RTN4: variants seen among roughly 807,000 people sequenced by gnomAD.
RTN4 encodes the protein reticulon-4.
In RTN4, 32 loss-of-function variants were observed where a neutral mutation model predicts 90.4. The ratio of observed to expected loss-of-function variants is 0.35; its 90% CI spans 0.27 to 0.48. The LOEUF is 0.48. Among genes scored for constraint, RTN4 ranks in the 20% least tolerant of loss-of-function variants. The probability of loss-of-function intolerance (pLI) is 0.99; values close to 1 mark genes in which losing one functional copy is unlikely to be tolerated. For missense variants in RTN4, 1,706 were observed against 1,430.2 expected, an observed-to-expected ratio of 1.19 and a Z score of -3.11; for synonymous variants, 629 against 552.5, an observed-to-expected ratio of 1.14 and a Z score of -1.94.
At chr2:55,036,193 C>T (rs945015284) in intron 1 of RTN4, among the ~76,000 whole-genome samples, 12 of 152,230 alleles carry the variant, frequency 7.9e-5, no homozygotes, top group Admixed American at 7.2e-4. Flanking sequence ...CATAACCACA[C>T]ATGCAAAAAA....
At chr2:55,096,242 C>T (rs1406309502) in intron 1 of RTN4, among the ~76,000 whole-genome samples, 1 of 152,058 alleles carries the variant, frequency 6.6e-6, no homozygotes, top group Non-Finnish European at 1.5e-5. Context: ...AGGAGAATCG[C>T]TTGAACCCGG....
Position 55,050,139 on chromosome 2 carries a change from C to G in RTN4, c.162G>C (p.Val54=). 1 of 1,545,078 alleles carries G rather than the reference C, an allele frequency of 6.5e-7. No homozygotes were observed. The highest frequency in any genetic ancestry group is 1.2e-5 in the South Asian group (1 of 84,926). Residue 54 remains valine, a synonymous_variant, in exon 1 of 9, where the codon GTG becomes GTC. Transcript: ENST00000337526. The surrounding 1 kb of genome is among the most constrained non-coding windows in gnomAD (Gnocchi z 4.6). ...GCCCGGCGGCGGGCTTCCTCTCCAG[C>G]ACCTCCAGCTCCTCCAGGTCTTCGT... ...DEDEDLEELE[V]LERKPAAGLS...
At chr2:55,019,518 G>C (rs867274840) in intron 3 of RTN4, among the ~76,000 whole-genome samples, 1 of 152,176 alleles carries the variant, frequency 6.6e-6, no homozygotes, top group Admixed American at 6.6e-5. Flanking sequence ...GATAACTCTA[G>C]AAGTGGTGCT....
chr2:55,007,593 G>A (rs1264822639), intron 3 of RTN4, among the ~76,000 whole-genome samples: 1 of 151,932 alleles, frequency 6.6e-6, no homozygotes, highest in Non-Finnish European at 1.5e-5. Context: ...CAGAACCAAG[G>A]CTTAAACCCT....
Position 55,027,281 on chromosome 2 carries a change from G to T in RTN4, c.818C>A (p.Ser273Tyr), listed in dbSNP as rs199517493. The change falls in exon 3 of 9, where the codon TCT becomes TAT. Residue 273 changes from serine (S) to tyrosine (Y), a missense_variant. Ser to Tyr is a moderately radical substitution (Grantham distance 144). Coordinates refer to ENST00000337526, the MANE Select transcript of RTN4 (RefSeq NM_020532.5). ...TTTTGCCTTCTCTGAGACCTCTTTA[G>T]AAGCTTCACTGACATTTTCTTGAAG... ...GTLQENVSEA[S>Y]KEVSEKAKTL... The T allele has an allele frequency of 2.5e-6, 4 of 1,613,664 alleles. No individual in the cohort carries two copies. The highest frequency in any genetic ancestry group is 3.4e-6 in the Non-Finnish European group (4 of 1,179,770).
At chr2:54,996,243 A>G (rs984533278) in intron 3 of RTN4, among the ~76,000 whole-genome samples, 1 of 152,226 alleles carries the variant, frequency 6.6e-6, no homozygotes, top group African/African-American at 2.4e-5. Flanking sequence ...TCATGAATTG[A>G]AAGACATTAA....
chr2:55,013,527 C>T (rs539189927), intron 3 of RTN4, among the ~76,000 whole-genome samples: 6 of 143,288 alleles, frequency 4.2e-5, no homozygotes, highest in South Asian at 2.1e-4. Context: ...GTAGGAAATA[C>T]GCATAAATCA....
At chr2:55,044,785 T>TAAAAAAA (rs10639848) in intron 1 of RTN4, among the ~76,000 whole-genome samples, 36 of 65,656 alleles carry the variant, frequency 5.5e-4, no homozygotes, top group African/African-American at 1.2e-3. Context: ...TGCAAATCAC[T>TAAAAAAA]AAAAAAAAAA....
intron 2 of RTN4, among the ~76,000 whole-genome samples, chr2:55,075,177 C>A (rs1289672041): frequency 6.6e-6 from 1 of 152,182 alleles, no homozygotes; most frequent in Non-Finnish European, 1.5e-5. Flanking sequence ...ACCTAGAAAA[C>A]CCTGAAGACA....
chr2:55,081,854 C>T (rs1284259209), intron 1 of RTN4, among the ~76,000 whole-genome samples: 2 of 101,732 alleles, frequency 2.0e-5, no homozygotes, highest in East Asian at 2.9e-4. Flanking sequence ...CAGAGCCAGA[C>T]CCTGTCTCAA....
At chr2:54,997,317 T>C (rs1294162603) in intron 3 of RTN4, among the ~76,000 whole-genome samples, 1 of 152,060 alleles carries the variant, frequency 6.6e-6, no homozygotes, top group Non-Finnish European at 1.5e-5. Context: ...TACCACTTCA[T>C]ACCCCCTAGG....
At chr2:55,122,011 T>C in the RTN4 span, among the ~76,000 whole-genome samples, 3 of 152,174 alleles carry the variant, frequency 2.0e-5, no homozygotes, top group African/African-American at 7.2e-5. Flanking sequence ...TCTTTTTTTT[T>C]CTTTGAGACA....
chr2:55,059,769 G>C (rs546254532), intron 2 of RTN4, among the ~76,000 whole-genome samples: 12 of 152,126 alleles, frequency 7.9e-5, no homozygotes, highest in Middle Eastern at 3.4e-3. Flanking sequence ...AGGAGGTGGA[G>C]GTTGCAGTGA....
At chr2:54,974,289 CT>C (rs1677418525) in intron 6 of RTN4, 1 of 239,774 alleles carries the variant, frequency 4.2e-6, no homozygotes, top group African/African-American at 2.3e-5. Context: ...CAACCTCAAA[CT>C]TATTTTGAGA....
intron 2 of RTN4, among the ~76,000 whole-genome samples, chr2:55,064,611 A>C (rs1361926296): frequency 6.6e-6 from 1 of 152,216 alleles, no homozygotes; most frequent in Non-Finnish European, 1.5e-5. Context: ...TTGGCCTCCC[A>C]AAGTGCTGGG....
intron 1 of RTN4, among the ~76,000 whole-genome samples, chr2:55,089,804 G>T (rs1470177683): frequency 6.6e-6 from 1 of 152,152 alleles, no homozygotes; most frequent in Admixed American, 6.6e-5. Flanking sequence ...TGGGGAGGAG[G>T]TCTTATTCCT....
At chr2:55,053,696 CAAAA>C (rs66792666), upstream of RTN4, among the ~76,000 whole-genome samples, 4 of 142,246 alleles carry the variant, frequency 2.8e-5, no homozygotes, top group South Asian at 8.9e-4. Flanking sequence ...CAAAAAAAAA[CAAAA>C]AAAAAAAGAA....
chr2:55,115,627 T>A (rs1359963004), upstream of RTN4, among the ~76,000 whole-genome samples: 1 of 152,228 alleles, frequency 6.6e-6, no homozygotes, highest in Non-Finnish European at 1.5e-5. Context: ...CTAATGCTAC[T>A]GCCCAAGAAA....
the RTN4 span, among the ~76,000 whole-genome samples, chr2:55,117,746 A>G: frequency 1.3e-5 from 2 of 152,216 alleles, no homozygotes; most frequent in Non-Finnish European, 2.9e-5. Flanking sequence ...ACTCTGTGCT[A>G]TGCAGGGATG....
Sources: gnomAD v4.1 joint callset for allele counts (sites outside exome capture counted in the v4.1 genomes callset) on GRCh38, gnomAD v4.1.1 for gene constraint, Gnocchi (gnomAD v3.1) non-coding constraint, MANE v1.5 for transcripts, NCBI Gene and HGNC (gene_info 2026-07-23, HGNC 2026-07-21) for gene names.